Variants in ACADM observed in about 807,000 individuals in gnomAD.
ACADM encodes the protein acyl-CoA dehydrogenase medium chain.
In ACADM, 49 loss-of-function variants were observed where a neutral mutation model predicts 58.9. The observed-to-expected ratio is 0.83, with a 90% CI of 0.66 to 1.06. The LOEUF (loss-of-function observed/expected upper bound fraction) is 1.06. ACADM is among the 50% of genes least tolerant of loss of function. The pLI, the probability that ACADM is intolerant of heterozygous loss-of-function variation, is 0.00. For synonymous variants in ACADM, 160 were observed against 157.7 expected (o/e 1.01, Z -0.11); for missense variants, 496 against 507.0 (o/e 0.98, Z 0.21).
Position 75,732,736 on chromosome 1 carries a change from G to GGTGAA in ACADM, c.214_216+2dup. 1 of 1,612,990 alleles carries GGTGAA rather than the reference G, an allele frequency of 6.2e-7. No homozygotes were observed. Among genetic ancestry groups the GGTGAA allele is most frequent in the Non-Finnish European group, 8.5e-7 (1 of 1,179,030 alleles). ...AGTGGCTGCAGAATATGATAAAACT[G>GGTGAA]GTGAAGTAGGTATATACATTTTAAA... On this transcript the variant is annotated frameshift_variant, in exon 3 of 12. Coordinates refer to ENST00000370841, the MANE Select transcript of ACADM (RefSeq NM_000016.6). LOFTEE classifies it high-confidence loss of function.
chr1:75,751,632 G>A (rs1326216416), intron 10 of ACADM, among the ~76,000 whole-genome samples: 2 of 151,794 alleles, frequency 1.3e-5, no homozygotes, highest in East Asian at 2.0e-4. Context: ...CCGAGTCGCT[G>A]GGACTACAGG....
At chr1:75,729,280 C>CT (rs1647105487) in intron 2 of ACADM, among the ~76,000 whole-genome samples, 2 of 72,390 alleles carry the variant, frequency 2.8e-5, no homozygotes, top group East Asian at 3.9e-4. Context: ...TTTTCTTTTT[C>CT]TTTCTTTCTT....
At chr1:75,739,255 A>T (rs946481142) in intron 6 of ACADM, among the ~76,000 whole-genome samples, 1 of 152,152 alleles carries the variant, frequency 6.6e-6, no homozygotes, top group Admixed American at 6.5e-5. Flanking sequence ...TCTGACTTTC[A>T]CACATAGAGT....
At chr1:75,762,202 G>A (rs1392872390) in intron 11 of ACADM, among the ~76,000 whole-genome samples, 2 of 152,000 alleles carry the variant, frequency 1.3e-5, no homozygotes, top group Non-Finnish European at 2.9e-5. Flanking sequence ...CTAACGAATG[G>A]CTAAAGTTAG....
intron 6 of ACADM, among the ~76,000 whole-genome samples, chr1:75,737,827 G>T (rs965662533): frequency 1.3e-5 from 2 of 151,980 alleles, no homozygotes; most frequent in African/African-American, 4.8e-5. Context: ...AGTTCATACT[G>T]TAATAGGTGT....
At chr1:75,739,859 A>T in intron 6 of ACADM, 121 bp from the exon 7 acceptor site, 1 of 712,692 alleles carries the variant, frequency 1.4e-6, no homozygotes, top group African/African-American at 1.8e-5. Context: ...AGAACATTTT[A>T]ATTTTAGATA....
At chr1:75,761,460 T>A (rs1648852768) in intron 11 of ACADM, 90 bp downstream of exon 11, 3 of 1,425,278 alleles carry the variant, frequency 2.1e-6, no homozygotes, top group Non-Finnish European at 2.9e-6. Context: ...AAATTTTATG[T>A]CCCTAGTAGC....
chr1:75,742,132 A>G (rs1381481415), intron 7 of ACADM, among the ~76,000 whole-genome samples: 4 of 152,076 alleles, frequency 2.6e-5, no homozygotes, highest in African/African-American at 4.8e-5. Flanking sequence ...GGCACTCAGT[A>G]TTGGCTCCCA....
At chr1:75,737,444 A>C (rs1370181886) in intron 6 of ACADM, among the ~76,000 whole-genome samples, 1 of 151,526 alleles carries the variant, frequency 6.6e-6, no homozygotes, top group Non-Finnish European at 1.5e-5. Context: ...ACTTCACTGT[A>C]TTATGAAACA....
chr1:75,744,662 C>T, intron 7 of ACADM: 1 of 884,500 alleles, frequency 1.1e-6, no homozygotes, highest in South Asian at 1.3e-5. Context: ...TAACCTGGTC[C>T]CTGGCATAAG....
At position 75,731,949 on chromosome 1, in the gene ACADM, C is replaced by A. The variant is rs1206588815; in HGVS notation, c.119-695C>A. ...GGAGAATCATTTGAGCCCAGGAGTT[C>A]TAGACCCATTTGGGCAACATGGCAA... On this transcript the variant is annotated intron_variant, in intron 2 of 11. Transcript: ENST00000370841. 3.3e-5 allele frequency among the ~76,000 whole-genome samples: 5 copies of A among 152,238 alleles called. No individual in the cohort carries two copies. The East Asian group carries it at 9.7e-4, about 29-fold the overall frequency.
rs1002251668 is a variant in ACADM, at chr1:75,762,766, A to C, written c.*3A>C. 7.1e-6 allele frequency: 11 copies of C among 1,556,336 alleles called. No homozygotes were observed. Among genetic ancestry groups the C allele is most frequent in the Non-Finnish European group, 8.0e-6 (9 of 1,129,000 alleles). Reference sequence around the variant, plus strand: ...ACATTGACAAGTACAAAAATTAAAAAAATTACTGTAGAAATATTGAATAAC... The same window carrying C: ...ACATTGACAAGTACAAAAATTAAAACAATTACTGTAGAAATATTGAATAAC... On this transcript the variant is annotated 3_prime_UTR_variant, in exon 12 of 12. Coordinates refer to ENST00000370841, the MANE Select transcript of ACADM (RefSeq NM_000016.6).
rs572575130 is a variant in ACADM, at chr1:75,762,569, C to T, written c.1195-123C>T. ...TTTGGAATCTGTAGAGGCTACAGAC[C>T]CTATATATGGTTTGATTCGGTTTTA... On this transcript the variant is annotated intron_variant, in intron 11 of 11. Coordinates refer to ENST00000370841, the MANE Select transcript of ACADM (RefSeq NM_000016.6). 502 of 669,888 alleles carry T rather than the reference C, an allele frequency of 7.5e-4. 5 individuals are homozygous for T. In the South Asian group the frequency reaches 8.1e-3, roughly 11 times the overall value. 41.5% of individuals were successfully genotyped at this position (669,888 alleles called of 1,614,324 possible).
intron 5 of ACADM, among the ~76,000 whole-genome samples, chr1:75,734,160 A>AT (rs1160368175): frequency 0.028 from 2,337 of 84,234 alleles, 100 homozygotes; most frequent in African/African-American, 0.064. Context: ...TAATTTTTGT[A>AT]TTTTTTTTTT....
At chr1:75,745,142 A>G (rs184065174) in intron 7 of ACADM, among the ~76,000 whole-genome samples, 1 of 152,278 alleles carries the variant, frequency 6.6e-6, no homozygotes, top group African/African-American at 2.4e-5. Flanking sequence ...GCCCAGCAAG[A>G]GATTAACAAC....
chr1:75,733,216 T>C (rs2100364793), intron 4 of ACADM: 2 of 1,576,220 alleles, frequency 1.3e-6, no homozygotes, highest in South Asian at 2.3e-5. Context: ...TTACATTTTA[T>C]TGAGTCTTTT....
intron 6 of ACADM, among the ~76,000 whole-genome samples, chr1:75,737,521 T>C (rs1364133413): frequency 2.0e-5 from 3 of 151,732 alleles, no homozygotes; most frequent in Non-Finnish European, 1.5e-5. Flanking sequence ...AAAATTTTGG[T>C]ACTTAAAAGG....
At chr1:75,749,964 G>A (rs1234542869) in intron 9 of ACADM, among the ~76,000 whole-genome samples, 1 of 151,858 alleles carries the variant, frequency 6.6e-6, no homozygotes, top group Non-Finnish European at 1.5e-5. Context: ...GCCTACCTCG[G>A]CCTCCCAAAG....
chr1:75,759,019 G>A (rs985426891), intron 10 of ACADM, among the ~76,000 whole-genome samples: 2 of 152,176 alleles, frequency 1.3e-5, no homozygotes, highest in East Asian at 1.9e-4. Flanking sequence ...CACTTGCCAC[G>A]GAGGTCCGCG....
Sources: gnomAD v4.1 joint callset for allele counts (sites outside exome capture counted in the v4.1 genomes callset) on GRCh38, gnomAD v4.1.1 for gene constraint, MANE v1.5 for transcripts, NCBI Gene and HGNC (gene_info 2026-07-23, HGNC 2026-07-21) for gene names.